GLIS3: variants seen among roughly 807,000 people sequenced by gnomAD.
GLIS3 encodes the protein zinc finger protein GLIS3.
GLIS3 carries 53 observed loss-of-function variants against 78.6 expected under a neutral mutation model. The observed-to-expected ratio is 0.67, with a 90% confidence interval of 0.54 to 0.85. GLIS3 has a LOEUF of 0.85. GLIS3 is among the 40% of genes least tolerant of loss of function. The pLI is 0.00. For synonymous variants in GLIS3, 684 were observed against 509.9 expected (o/e 1.34, Z -4.60); for missense variants, 1,703 against 1,231.1 (o/e 1.38, Z -5.74).
the GLIS3 span, among the ~76,000 whole-genome samples, chr9:4,370,795 A>G: frequency 6.6e-6 from 1 of 152,168 alleles, no homozygotes; most frequent in Non-Finnish European, 1.5e-5. Context: ...CTCAACGTAC[A>G]TTGGAAATTC....
At chr9:4,355,900 T>C in the GLIS3 span, among the ~76,000 whole-genome samples, 1 of 152,198 alleles carries the variant, frequency 6.6e-6, no homozygotes, top group African/African-American at 2.4e-5. Flanking sequence ...CAATGAAATG[T>C]TCTATATCTT....
rs761934513 is a variant in GLIS3, at chr9:4,117,807, G to A, written c.1671C>T (p.His557=). ...PFNARYKLLI[H]MRVHSGEKPN... ...GCTTCTCCCCAGAGTGGACTCTCAT[G>A]TGGATCAGCAGTTTATAGCGGGCGT... Residue 557 remains histidine (H), a synonymous_variant, in exon 4 of 11, where the codon CAC becomes CAT. Transcript: ENST00000381971. 2 of 1,614,180 alleles carry A rather than the reference G, an allele frequency of 1.2e-6. No individual in the cohort carries two copies. Among genetic ancestry groups the A allele is most frequent in the Admixed American group, 1.7e-5 (1 of 60,022 alleles).
chr9:4,395,060 T>C, the GLIS3 span, among the ~76,000 whole-genome samples: 5 of 152,228 alleles, frequency 3.3e-5, no homozygotes, highest in African/African-American at 1.2e-4. Flanking sequence ...TACAATGTTT[T>C]CTAGTTATTC....
At chr9:4,408,606 A>G in the GLIS3 span, among the ~76,000 whole-genome samples, 1 of 148,084 alleles carries the variant, frequency 6.8e-6, no homozygotes, top group Non-Finnish European at 1.5e-5. Context: ...GGGCGCCTGT[A>G]GTCCCAGGTA....
intron 6 of GLIS3, among the ~76,000 whole-genome samples, chr9:3,927,484 T>G (rs981912418): frequency 3.9e-5 from 6 of 152,206 alleles, no homozygotes; most frequent in Admixed American, 1.3e-4. Context: ...TTAAAAGAAA[T>G]ATCTAATAAC....
intron 2 of GLIS3, among the ~76,000 whole-genome samples, chr9:4,285,230 T>C (rs1827886509): frequency 6.6e-6 from 1 of 152,226 alleles, no homozygotes; most frequent in Admixed American, 6.5e-5. Flanking sequence ...GTGGGGTGCA[T>C]GCTCTTTCTC....
intron 2 of GLIS3, among the ~76,000 whole-genome samples, chr9:4,234,129 A>G (rs1180640758): frequency 1.7e-5 from 2 of 117,852 alleles, no homozygotes; most frequent in Non-Finnish European, 3.7e-5. Flanking sequence ...CGTATCAGCA[A>G]TGAGGATATT....
rs143229220 is a variant in GLIS3, at chr9:4,118,848, C to G, written c.630G>C (p.Thr210=). ...ACTGACTTTCCGTCAGACTCAAGGTCGTGGACGCCAAAGACTCACGCGAAA... is the reference window on the plus strand; with the variant it reads ...ACTGACTTTCCGTCAGACTCAAGGTGGTGGACGCCAAAGACTCACGCGAAA... ...SLISRESLAS[T]TLSLTESQSA... The change falls in exon 4 of 11, where the codon ACG becomes ACC. Residue 210 remains threonine, a synonymous_variant. Coordinates refer to ENST00000381971, the MANE Select transcript of GLIS3 (RefSeq NM_001042413.2). This position sits in a 1 kb window ranked among gnomAD's most constrained non-coding sequence, Gnocchi z 4.7. 3 of 1,603,106 alleles carry G rather than the reference C, an allele frequency of 1.9e-6. No individual in the cohort carries two copies. Among genetic ancestry groups the G allele is most frequent in the Admixed American group, 1.7e-5 (1 of 59,950 alleles).
intron 4 of GLIS3, among the ~76,000 whole-genome samples, chr9:3,965,608 A>T (rs996160659): frequency 2.0e-5 from 3 of 152,208 alleles, no homozygotes; most frequent in Non-Finnish European, 4.4e-5. Flanking sequence ...GGAAGGTTTA[A>T]ACCTTCTAAC....
At chr9:4,307,349 G>C (rs1258570988) in intron 4 of GLIS3, among the ~76,000 whole-genome samples, 1 of 152,108 alleles carries the variant, frequency 6.6e-6, no homozygotes, top group Admixed American at 6.6e-5. Flanking sequence ...AATTATACAT[G>C]TAATGACCTG....
Position 4,117,863 on chromosome 9 carries a change from C to T in GLIS3, c.1615G>A (p.Ala539Thr), listed in dbSNP as rs745786959. The change falls in exon 4 of 11, where the codon GCC becomes ACC. Residue 539 changes from alanine (A) to threonine (T), a missense_variant. Ala to Thr is a moderately conservative substitution (Grantham distance 58). Transcript: ENST00000381971. ...GGCTTGTATCTTCGAGGGCAACCGG[C>T]CCAGAAGCAAGTGAAGTCCTCCCCT... is the stretch of plus-strand genomic sequence containing the variant. Reference protein sequence around the residue: ...RKGEDFTCFWAGCPRRYKPFN... With the variant: ...RKGEDFTCFWTGCPRRYKPFN... 5.6e-6 allele frequency: 9 copies of T among 1,614,016 alleles called. No individual in the cohort carries two copies. The highest frequency in any genetic ancestry group is 3.3e-5 in the Admixed American group (2 of 60,006).
chr9:4,254,165 A>G (rs928412991), intron 2 of GLIS3, among the ~76,000 whole-genome samples: 2 of 152,356 alleles, frequency 1.3e-5, no homozygotes, highest in Non-Finnish European at 2.9e-5. Flanking sequence ...TGCATGTCAC[A>G]TAACAGGCTA....
the GLIS3 span, among the ~76,000 whole-genome samples, chr9:4,354,514 T>C: frequency 4.1e-4 from 63 of 152,272 alleles, no homozygotes; most frequent in South Asian, 2.3e-3. Context: ...CCTACAATAA[T>C]AACTGCTTAC....
At chr9:4,114,634 G>T (rs993992148) in intron 4 of GLIS3, among the ~76,000 whole-genome samples, 2 of 152,184 alleles carry the variant, frequency 1.3e-5, no homozygotes, top group African/African-American at 4.8e-5. Flanking sequence ...AGTGAATGGA[G>T]TCGGGTATTT....
intron 4 of GLIS3, among the ~76,000 whole-genome samples, chr9:4,097,496 G>C (rs1054408373): frequency 6.6e-6 from 1 of 152,064 alleles, no homozygotes; most frequent in African/African-American, 2.4e-5. Flanking sequence ...GGCAGAGGAA[G>C]GGAGGAGGCA....
At chr9:4,083,321 T>A (rs1289145157) in intron 4 of GLIS3, among the ~76,000 whole-genome samples, 3 of 152,160 alleles carry the variant, frequency 2.0e-5, no homozygotes, top group African/African-American at 7.2e-5. Context: ...ACATCACTAA[T>A]CAATACCCTA....
intron 5 of GLIS3, among the ~76,000 whole-genome samples, chr9:3,934,278 T>G (rs866299173): frequency 1.3e-5 from 2 of 152,248 alleles, no homozygotes; most frequent in Admixed American, 6.5e-5. Context: ...TTGTAAAAGC[T>G]TATGCTTTGA....
At chr9:4,202,152 C>CT (rs71324286) in intron 2 of GLIS3, among the ~76,000 whole-genome samples, 76,828 of 124,822 alleles carry the variant, frequency 0.62, 25,190 homozygotes, top group African/African-American at 0.79. Flanking sequence ...CCCCCTTTTT[C>CT]TTTTTTTTTT....
chr9:4,422,301 C>A, the GLIS3 span, among the ~76,000 whole-genome samples: 1 of 152,168 alleles, frequency 6.6e-6, no homozygotes, highest in Non-Finnish European at 1.5e-5. Flanking sequence ...GATAACAAAG[C>A]AAACCTTGGC....
Sources: gnomAD v4.1 joint callset for allele counts (sites outside exome capture counted in the v4.1 genomes callset) on GRCh38, gnomAD v4.1.1 for gene constraint, Gnocchi (gnomAD v3.1) non-coding constraint, MANE v1.5 for transcripts, NCBI Gene and HGNC (gene_info 2026-07-23, HGNC 2026-07-21) for gene names.